The following MTREX variants were observed in gnomAD, a reference collection of about 807,000 sequenced individuals.
MTREX encodes the protein exosome RNA helicase MTR4.
A neutral mutation model predicts 135.4 loss-of-function variants in MTREX; 76 were observed. The observed-to-expected ratio is 0.56, with a 90% CI of 0.47 to 0.68. The LOEUF (loss-of-function observed/expected upper bound fraction) is 0.68. Among genes scored for constraint, MTREX ranks in the 30% least tolerant of loss-of-function variants. MTREX has a pLI of 0.00. For synonymous variants in MTREX, 404 were observed against 401.6 expected, an observed-to-expected ratio of 1.01 and a Z score of -0.07; for missense variants, 920 against 1,262.1, an observed-to-expected ratio of 0.73 and a Z score of 4.11.
chr5:55,378,217 A>T, intron 16 of MTREX, 97 bp from the exon 17 acceptor site: 1 of 1,362,548 alleles, frequency 7.3e-7, no homozygotes, highest in Non-Finnish European at 9.7e-7. Flanking sequence ...AACCGCAACT[A>T]CACTTGCACC....
At chr5:55,351,344 C>CCAA (rs1246003193) in intron 13 of MTREX, among the ~76,000 whole-genome samples, 1 of 152,054 alleles carries the variant, frequency 6.6e-6, no homozygotes, top group African/African-American at 2.4e-5. Flanking sequence ...ACCAGCCTGA[C>CCAA]CAACATGGAG....
intron 4 of MTREX, 139 bp downstream of exon 4, chr5:55,327,917 T>C (rs982157954): frequency 1.9e-5 from 11 of 576,460 alleles, no homozygotes; most frequent in African/African-American, 1.9e-4. Flanking sequence ...AAGACAAATA[T>C]AATGAGAACT....
At chr5:55,380,102 AT>A (rs963120130) in intron 18 of MTREX, among the ~76,000 whole-genome samples, 323 of 145,368 alleles carry the variant, frequency 2.2e-3, no homozygotes, top group East Asian at 0.018. Flanking sequence ...AGCCCAGCTA[AT>A]TTTTTTTTTT....
intron 1 of MTREX, among the ~76,000 whole-genome samples, chr5:55,311,935 C>G (rs1749119654): frequency 6.6e-6 from 1 of 152,078 alleles, no homozygotes; most frequent in Non-Finnish European, 1.5e-5. Context: ...ATATACTGGA[C>G]TGCTCTGATC....
At chr5:55,326,220 A>T (rs1171071803) in intron 3 of MTREX, among the ~76,000 whole-genome samples, 1 of 152,010 alleles carries the variant, frequency 6.6e-6, no homozygotes, top group Non-Finnish European at 1.5e-5. Flanking sequence ...AGCATGGTGA[A>T]ACCCCGTCTC....
intron 18 of MTREX, among the ~76,000 whole-genome samples, chr5:55,385,333 A>G (rs968093384): frequency 6.6e-6 from 1 of 152,190 alleles, no homozygotes; most frequent in African/African-American, 2.4e-5. Flanking sequence ...CCACACCAAG[A>G]TAGAGCCTCT....
At chr5:55,339,266 A>T (rs902936455) in intron 5 of MTREX, among the ~76,000 whole-genome samples, 1 of 151,562 alleles carries the variant, frequency 6.6e-6, no homozygotes, top group Admixed American at 6.6e-5. Flanking sequence ...GCATTTCTGT[A>T]TTTTCTTTTT....
chr5:55,360,090 C>T (rs1749983389), intron 15 of MTREX, among the ~76,000 whole-genome samples: 1 of 152,126 alleles, frequency 6.6e-6, no homozygotes, highest in Non-Finnish European at 1.5e-5. Context: ...AGTCACTCTT[C>T]TTTCTTCACA....
At chr5:55,421,796 T>C (rs1751059635) in intron 25 of MTREX, among the ~76,000 whole-genome samples, 1 of 152,200 alleles carries the variant, frequency 6.6e-6, no homozygotes, top group African/African-American at 2.4e-5. Context: ...CAGGTAAAAA[T>C]CTAGTTACAT....
At chr5:55,326,389 G>A (rs1192327682) in intron 3 of MTREX, among the ~76,000 whole-genome samples, 1 of 152,048 alleles carries the variant, frequency 6.6e-6, no homozygotes, top group Admixed American at 6.6e-5. Flanking sequence ...GACAGAGTGA[G>A]ACTCTGTCTC....
chr5:55,369,023 GAGAT>G (rs1156952960), intron 16 of MTREX, among the ~76,000 whole-genome samples: 3 of 151,948 alleles, frequency 2.0e-5, no homozygotes, highest in East Asian at 1.9e-4. Flanking sequence ...TCTTAGCAAA[GAGAT>G]AGAAAAGTAT....
intron 13 of MTREX, among the ~76,000 whole-genome samples, chr5:55,351,818 T>A (rs1373042033): frequency 6.6e-6 from 1 of 151,692 alleles, no homozygotes; most frequent in Non-Finnish European, 1.5e-5. Flanking sequence ...CAAAATGTAA[T>A]CATAAGTCTA....
intron 25 of MTREX, among the ~76,000 whole-genome samples, chr5:55,418,190 T>C (rs948598036): frequency 1.0e-4 from 15 of 144,788 alleles, no homozygotes; most frequent in Admixed American, 5.0e-4. Context: ...GCTGAGATTG[T>C]GCCACTGCAC....
At chr5:55,337,407 A>G (rs963151624) in intron 5 of MTREX, among the ~76,000 whole-genome samples, 5 of 152,122 alleles carry the variant, frequency 3.3e-5, no homozygotes, top group African/African-American at 1.2e-4. Context: ...AGCCTCCCAA[A>G]GTGCTGGGAT....
intron 8 of MTREX, 83 bp from the exon 9 acceptor site, chr5:55,344,439 C>A: frequency 1.2e-6 from 1 of 853,034 alleles, no homozygotes; most frequent in Non-Finnish European, 1.9e-6. Context: ...ACTTGATTTT[C>A]TTAAGATCTT....
chr5:55,355,479 G>A (rs1449907033), intron 14 of MTREX, among the ~76,000 whole-genome samples: 1 of 152,216 alleles, frequency 6.6e-6, no homozygotes, highest in Non-Finnish European at 1.5e-5. Flanking sequence ...GACATCCAAG[G>A]GGGAAAGGGA....
At chr5:55,417,901 A>AT (rs1192953469) in intron 25 of MTREX, among the ~76,000 whole-genome samples, 1 of 151,742 alleles carries the variant, frequency 6.6e-6, no homozygotes, top group Non-Finnish European at 1.5e-5. Context: ...GCTTTTTTTT[A>AT]TTTTTTTATT....
chr5:55,386,754 C>T (rs943083389), intron 18 of MTREX, among the ~76,000 whole-genome samples: 8 of 152,116 alleles, frequency 5.3e-5, no homozygotes, highest in Admixed American at 2.6e-4. Flanking sequence ...ATTGCTCATA[C>T]GCCTGTGGGG....
chr5:55,373,949 T>C (rs1226309479), intron 16 of MTREX, among the ~76,000 whole-genome samples: 1 of 152,052 alleles, frequency 6.6e-6, no homozygotes, highest in Non-Finnish European at 1.5e-5. Flanking sequence ...TCTGTGTTAG[T>C]TACTGTTATG....
Sources: gnomAD v4.1 joint callset for allele counts (sites outside exome capture counted in the v4.1 genomes callset) on GRCh38, gnomAD v4.1.1 for gene constraint, MANE v1.5 for transcripts, NCBI Gene and HGNC (gene_info 2026-07-23, HGNC 2026-07-21) for gene names.